The following DGKB variants were observed in gnomAD, a reference collection of about 807,000 sequenced individuals.
DGKB encodes the protein diacylglycerol kinase beta, also known as 90 kDa diacylglycerol kinase.
DGKB carries 67 observed loss-of-function variants against 114.3 expected under a neutral mutation model. That is an observed-to-expected ratio of 0.59 (90% CI 0.48 to 0.72). The LOEUF is 0.72. Ranked by LOEUF, DGKB falls within the 30% of genes least tolerant of loss-of-function variation. The probability of loss-of-function intolerance (pLI) is 0.00; values close to 1 mark genes in which losing one functional copy is unlikely to be tolerated. For missense variants in DGKB, 907 were observed against 975.2 expected (o/e 0.93, Z 0.93); for synonymous variants, 398 against 323.1 (o/e 1.23, Z -2.49).
chr7:14,313,281 G>T (rs543031666), intron 23 of DGKB, among the ~76,000 whole-genome samples: 7 of 152,084 alleles, frequency 4.6e-5, no homozygotes, highest in African/African-American at 1.7e-4. Flanking sequence ...CAAGATGGCC[G>T]AATAGGAACA....
At chr7:14,304,087 A>ACACACACTCTCTCTCTCT (rs140836395) in intron 23 of DGKB, among the ~76,000 whole-genome samples, 1 of 110,072 alleles carries the variant, frequency 9.1e-6, no homozygotes, top group Admixed American at 9.8e-5. Context: ...ACACACACAC[A>ACACACACTCTCTCTCTCT]CTCTCTCTCT....
chr7:14,263,322 A>G (rs2128416818), intron 23 of DGKB, among the ~76,000 whole-genome samples: 1 of 152,262 alleles, frequency 6.6e-6, no homozygotes, highest in East Asian at 1.9e-4. Context: ...CTATAGCTAT[A>G]GCTCTCTTTA....
intron 22 of DGKB, among the ~76,000 whole-genome samples, chr7:14,343,157 C>CACA (rs1811888740): frequency 1.5e-5 from 2 of 132,850 alleles, no homozygotes; most frequent in African/African-American, 5.8e-5. Flanking sequence ...GCCTAGCTAT[C>CACA]CACACACACA....
At position 14,931,806 on chromosome 7, in the gene DGKB, G is replaced by A. The variant is rs113276998; in HGVS notation, c.-188+42890C>T. 6.2e-3 allele frequency among the ~76,000 whole-genome samples: 937 copies of A among 151,670 alleles called. 13 individuals are homozygous for A. Among genetic ancestry groups the A allele is most frequent in the African/African-American group, 0.021 (876 of 41,430 alleles). On this transcript the variant is annotated intron_variant, in intron 1 of 4. Transcript: ENST00000437998. ...CACCTGGCTCAAGACTAAGCCTCAG[G>A]AGCAACTCTTCAACTGTTCAGGTCC...
chr7:14,323,886 C>A (rs1808265518), intron 23 of DGKB, among the ~76,000 whole-genome samples: 1 of 152,252 alleles, frequency 6.6e-6, no homozygotes, highest in South Asian at 2.1e-4. Flanking sequence ...TTTCAAAAAA[C>A]CTGTCTATTA....
chr7:14,677,255 A>G (rs1267243434), intron 12 of DGKB, among the ~76,000 whole-genome samples: 2 of 151,980 alleles, frequency 1.3e-5, no homozygotes, highest in African/African-American at 4.8e-5. Flanking sequence ...GAGAAGTCAA[A>G]AGGAGGAAAA....
At chr7:14,882,527 G>T (rs1041960758) in intron 1 of DGKB, among the ~76,000 whole-genome samples, 1 of 151,880 alleles carries the variant, frequency 6.6e-6, no homozygotes, top group South Asian at 2.1e-4. Context: ...AGAGCTTTTG[G>T]TGTACCAATC....
intron 4 of DGKB, among the ~76,000 whole-genome samples, chr7:14,738,698 G>A (rs954210733): frequency 6.6e-5 from 10 of 152,184 alleles, no homozygotes; most frequent in African/African-American, 2.2e-4. Context: ...TACTTCACAT[G>A]TTTTCATATG....
intron 17 of DGKB, among the ~76,000 whole-genome samples, chr7:14,584,991 T>G (rs1208394244): frequency 6.6e-6 from 1 of 152,096 alleles, no homozygotes; most frequent in Non-Finnish European, 1.5e-5. Flanking sequence ...TAAAACTCTT[T>G]GCATATTACA....
At chr7:14,552,566 G>T (rs897799634) in intron 20 of DGKB, among the ~76,000 whole-genome samples, 1 of 152,062 alleles carries the variant, frequency 6.6e-6, no homozygotes, top group African/African-American at 2.4e-5. Flanking sequence ...CTATTTCATT[G>T]TTGCACATGT....
intron 23 of DGKB, among the ~76,000 whole-genome samples, chr7:14,329,302 G>C (rs1809295870): frequency 6.6e-6 from 1 of 151,576 alleles, no homozygotes; most frequent in Non-Finnish European, 1.5e-5. Context: ...GCTAGAGTGT[G>C]GCCATTATAT....
At position 14,841,195 on chromosome 7, in the gene DGKB, C is replaced by T. The variant is rs567484362; in HGVS notation, c.69G>A (p.Glu23=). The T allele has an allele frequency of 5.0e-6, 8 of 1,611,146 alleles. No individual in the cohort carries two copies. The East Asian group carries it at 1.3e-4, about 27-fold the overall frequency. The change falls in exon 2 of 26, where the codon GAG becomes GAA. Residue 23 remains glutamate (E), a splice_region_variant and synonymous_variant. Coordinates refer to ENST00000402815, the MANE Select transcript of DGKB (RefSeq NM_001350709.2). ...SEFSQLQKYA[E]YSTKKLKDVL... is the part of the protein sequence containing the mutation. ...CATAATATCAATATGAATACTTACA[C>T]TCAGCATATTTCTGAAGTTGGGAAA... is the stretch of plus-strand genomic sequence containing the variant.
At chr7:14,896,614 T>C (rs1175093510) in intron 1 of DGKB, among the ~76,000 whole-genome samples, 2 of 151,748 alleles carry the variant, frequency 1.3e-5, no homozygotes, top group African/African-American at 2.4e-5. Flanking sequence ...ATGTTTATTA[T>C]GTGTATTCTG....
At chr7:14,478,419 G>T (rs1782512871) in intron 20 of DGKB, among the ~76,000 whole-genome samples, 194 bp from the exon 21 acceptor site, 2 of 152,116 alleles carry the variant, frequency 1.3e-5, no homozygotes, top group African/African-American at 4.8e-5. Flanking sequence ...CTATGCAGAA[G>T]TGATTTACGT....
chr7:14,540,828 A>G (rs1793302674), intron 20 of DGKB, among the ~76,000 whole-genome samples: 1 of 152,204 alleles, frequency 6.6e-6, no homozygotes, highest in South Asian at 2.1e-4. Flanking sequence ...CTGAGGGGAA[A>G]TGTAGCCTGT....
intron 5 of DGKB, among the ~76,000 whole-genome samples, chr7:14,729,629 A>T (rs1364281684): frequency 6.6e-6 from 1 of 151,944 alleles, no homozygotes; most frequent in East Asian, 1.9e-4. Flanking sequence ...CTCCAACTTT[A>T]CCTGGATAAC....
At chr7:14,924,476 C>A (rs1013153992) in intron 1 of DGKB, among the ~76,000 whole-genome samples, 1 of 152,084 alleles carries the variant, frequency 6.6e-6, no homozygotes, top group African/African-American at 2.4e-5. Context: ...GTTCTTCTCT[C>A]CTTTTGCAGT....
intron 2 of DGKB, among the ~76,000 whole-genome samples, chr7:14,766,574 G>T (rs527878668): frequency 6.6e-6 from 1 of 152,038 alleles, no homozygotes; most frequent in East Asian, 1.9e-4. Context: ...AAATATATTA[G>T]ATATCCAAGT....
In DGKB at chr7:14,274,344, C is replaced by T. The variant is rs183212464; in HGVS notation, c.2122+64171G>A. 8.6e-4 allele frequency among the ~76,000 whole-genome samples: 131 copies of T among 152,240 alleles called. 1 individual carries two copies. The highest frequency in any genetic ancestry group is 3.1e-3 in the African/African-American group (128 of 41,532). Reference sequence around the variant, plus strand: ...CAACGACTAATCCTACCTTAATCCACCTGGCTGGAGTTTTCTTACTAAAAT... The same window carrying T: ...CAACGACTAATCCTACCTTAATCCATCTGGCTGGAGTTTTCTTACTAAAAT... On this transcript the variant is annotated intron_variant, in intron 23 of 25. Coordinates refer to ENST00000402815, the MANE Select transcript of DGKB (RefSeq NM_001350709.2).
Sources: gnomAD v4.1 joint callset for allele counts (sites outside exome capture counted in the v4.1 genomes callset) on GRCh38, gnomAD v4.1.1 for gene constraint, MANE v1.5 for transcripts, NCBI Gene and HGNC (gene_info 2026-07-23, HGNC 2026-07-21) for gene names.